PNPLA6: variants seen among roughly 807,000 people sequenced by gnomAD.
The protein encoded by PNPLA6 is patatin-like phospholipase domain-containing protein 6.
In PNPLA6, 105 loss-of-function variants were observed where a neutral mutation model predicts 153.7. That is an observed-to-expected ratio of 0.68 (90% CI 0.58 to 0.80). PNPLA6 has a LOEUF of 0.80. Among genes scored for constraint, PNPLA6 ranks in the 30% least tolerant of loss-of-function variants. The probability of loss-of-function intolerance (pLI) is 0.00; values close to 1 mark genes in which losing one functional copy is unlikely to be tolerated. For synonymous variants in PNPLA6, 825 were observed against 822.2 expected (o/e 1.00, Z -0.06); for missense variants, 1,423 against 1,919.3 (o/e 0.74, Z 4.83).
At chr19:7,536,586 C>T (rs1010355262) in intron 3 of PNPLA6, 40 bp downstream of exon 3, 4 of 1,324,428 alleles carry the variant, frequency 3.0e-6, no homozygotes, top group African/African-American at 1.4e-5. Context: ...TAGGGGTTAT[C>T]TCAGGGGCCT....
chr19:7,544,665 G>A (rs990537827), intron 13 of PNPLA6, among the ~76,000 whole-genome samples: 1 of 152,032 alleles, frequency 6.6e-6, no homozygotes, highest in Non-Finnish European at 1.5e-5. Context: ...GCTTGGGGGA[G>A]AGAAGCCTGG....
chr19:7,548,647 A>G (rs1020442515), intron 13 of PNPLA6, among the ~76,000 whole-genome samples: 1 of 150,686 alleles, frequency 6.6e-6, no homozygotes, highest in Non-Finnish European at 1.5e-5. Context: ...CGCAGGTGCA[A>G]TTTTTTTTTC....
Position 7,555,364 on chromosome 19 carries a change from C to G in PNPLA6, c.2933C>G (p.Ala978Gly). The change falls in exon 23 of 32, where the codon GCC (alanine) becomes GGC (glycine). Residue 978 changes from alanine (A) to glycine (G), a missense_variant. This residue lies in a region of PNPLA6 where 643 missense variants were observed against 835.2 expected (regional missense o/e 0.77). Transcript: ENST00000600737. The surrounding 1 kb of genome is among the most constrained non-coding windows in gnomAD (Gnocchi z 6.3). ...TIALVLGGGG[A>G]RGCSHIGVLK... Reference sequence around the variant, plus strand: ...GCCCTTGTGCTAGGCGGGGGCGGGGCCAGGTGAGGGCGGGGCTTGCTCTCT... The same window carrying G: ...GCCCTTGTGCTAGGCGGGGGCGGGGGCAGGTGAGGGCGGGGCTTGCTCTCT... 6.5e-7 allele frequency: 1 copy of G among 1,537,880 alleles called. No homozygotes were observed. The highest frequency in any genetic ancestry group is 1.2e-5 in the South Asian group (1 of 84,100).
At chr19:7,548,896 G>A (rs756122642) in intron 13 of PNPLA6, among the ~76,000 whole-genome samples, 2 of 146,722 alleles carry the variant, frequency 1.4e-5, no homozygotes, top group African/African-American at 2.5e-5. Flanking sequence ...TCCTCCTCCC[G>A]GGTTCACGCC....
In PNPLA6 at chr19:7,535,777, C is replaced by G. The variant is rs1017792040; in HGVS notation, c.-12C>G. 4 of 1,534,290 alleles carry G rather than the reference C, an allele frequency of 2.6e-6. No individual in the cohort carries two copies. Among genetic ancestry groups the G allele is most frequent in the Admixed American group, 2.0e-5 (1 of 50,888 alleles). ...GCCCCCGGGGAGGGAGCAGCACTGG[C>G]CCATTCTGCAGATGGGGACATCGAG... On this transcript the variant is annotated 5_prime_UTR_variant, in exon 1 of 32. Transcript: ENST00000600737. The surrounding 1 kb of genome is among the most constrained non-coding windows in gnomAD (Gnocchi z 5.0).
chr19:7,546,392 GC>G (rs2023387558), intron 13 of PNPLA6, among the ~76,000 whole-genome samples: 1 of 152,132 alleles, frequency 6.6e-6, no homozygotes, highest in African/African-American at 2.4e-5. Flanking sequence ...ACTTTGGAAG[GC>G]CGCGGCGGGA....
rs377441452 is a variant in PNPLA6 at position 7,550,248 on chromosome 19, G to A, written c.1815-50G>A. ...CCAGATCTGGCCTCCCAGCGCCGGT[G>A]TAGGACGGTTTTGAGGCCTTCCTCT... On this transcript the variant is annotated intron_variant, in intron 14 of 31. Coordinates refer to ENST00000600737, the MANE Select transcript of PNPLA6 (RefSeq NM_001166114.2). 2.5e-6 allele frequency: 4 copies of A among 1,612,680 alleles called. No individual in the cohort carries two copies. The African/African-American group carries it at 5.3e-5, about 22-fold the overall frequency.
Position 7,554,213 on chromosome 19 carries a change from G to A in PNPLA6, c.2406G>A (p.Pro802=). 1.9e-6 allele frequency: 3 copies of A among 1,613,970 alleles called. No homozygotes were observed. Among genetic ancestry groups the A allele is most frequent in the South Asian group, 1.1e-5 (1 of 91,082 alleles). The change falls in exon 20 of 32, where the codon CCG becomes CCA. Residue 802 remains proline, a synonymous_variant. Coordinates refer to ENST00000600737, the MANE Select transcript of PNPLA6 (RefSeq NM_001166114.2). ...CCCTTCCCCACCTACCCCTAGGTCC[G>A]ACGCTACTCCTTAACAGTGACATCA... ...ELQHALQAIG[P]TLLLNSDIIR... is the part of the protein sequence containing the mutation.
At chr19:7,551,502 G>A in intron 18 of PNPLA6, 65 bp downstream of exon 18, 9 of 1,355,176 alleles carry the variant, frequency 6.6e-6, no homozygotes, top group Non-Finnish European at 9.5e-6. Flanking sequence ...ATGCTGGGAG[G>A]GAAGCCTTCT....
intron 13 of PNPLA6, 126 bp downstream of exon 13, chr19:7,543,210 T>A: frequency 1.2e-6 from 1 of 850,210 alleles, no homozygotes; most frequent in Non-Finnish European, 2.0e-6. Flanking sequence ...ACCTCTCTCA[T>A]CCTATCATTT....
At position 7,540,319 on chromosome 19, in the gene PNPLA6, C is replaced by T. The variant is rs2023072271; in HGVS notation, c.714+11C>T. 6.2e-7 allele frequency: 1 copy of T among 1,600,668 alleles called. No individual in the cohort carries two copies. The highest frequency in any genetic ancestry group is 8.5e-7 in the Non-Finnish European group (1 of 1,176,152). On this transcript the variant is annotated intron_variant, in intron 5 of 31. Transcript: ENST00000600737. The surrounding 1 kb of genome is among the most constrained non-coding windows in gnomAD (Gnocchi z 6.8). ...TGTCTGCCAGGGCCTGTGAGTGGGC[C>T]TCCCCAGGGGCTGCTGCAGGAGGAT...
At position 7,541,479 on chromosome 19, in the gene PNPLA6, G is replaced by A; in HGVS notation, c.1006-43G>A. 1.2e-6 allele frequency: 2 copies of A among 1,612,472 alleles called. No homozygotes were observed. Among genetic ancestry groups the A allele is most frequent in the Non-Finnish European group, 1.7e-6 (2 of 1,179,194 alleles). ...CGAGCACAGGGGGGATGGGGGCGAG[G>A]TCTCCCTCCCAGGACAGGCCACAAG... On this transcript the variant is annotated intron_variant, in intron 8 of 31. Coordinates refer to ENST00000600737, the MANE Select transcript of PNPLA6 (RefSeq NM_001166114.2). This position sits in a 1 kb window ranked among gnomAD's most constrained non-coding sequence, Gnocchi z 5.2.
In PNPLA6 at chr19:7,535,959, A is replaced by G; in HGVS notation, c.171A>G (p.Gly57=). The change falls in exon 1 of 32, where the codon GGA becomes GGG. Residue 57 remains glycine, a synonymous_variant. Coordinates refer to ENST00000600737, the MANE Select transcript of PNPLA6 (RefSeq NM_001166114.2). The surrounding 1 kb of genome is among the most constrained non-coding windows in gnomAD (Gnocchi z 5.0). Reference sequence around the variant, plus strand: ...TGCTTGGCGTGATGATCGGGGCCGGAGTGGCGGTGGTGGTCACGGCCGTGC... The same window carrying G: ...TGCTTGGCGTGATGATCGGGGCCGGGGTGGCGGTGGTGGTCACGGCCGTGC... ...PQVLGVMIGA[G]VAVVVTAVLI... is the part of the protein sequence containing the mutation. 1 of 1,585,170 alleles carries G rather than the reference A, an allele frequency of 6.3e-7. No individual in the cohort carries two copies. Among genetic ancestry groups the G allele is most frequent in the Non-Finnish European group, 8.6e-7 (1 of 1,168,686 alleles).
In PNPLA6 at chr19:7,540,483, C is replaced by T. The variant is rs888987148; in HGVS notation, c.715-147C>T. 2.6e-5 allele frequency: 25 copies of T among 960,548 alleles called. No homozygotes were observed. In the South Asian group the frequency reaches 3.0e-4, roughly 12 times the overall value. The allele number at this position is 960,548 out of a possible 1,614,324, so 59.5% of individuals were successfully genotyped here. On this transcript the variant is annotated intron_variant, in intron 5 of 31. Transcript: ENST00000600737. The surrounding 1 kb of genome is among the most constrained non-coding windows in gnomAD (Gnocchi z 6.8). ...TTGCTCAGTAGTTACAAGTATTGAA[C>T]GATGGGAGATGCCTGCTCGTTGGAA...
chr19:7,554,083 G>C lies in PNPLA6; in HGVS notation c.2401+68G>C, dbSNP rs574620379. 411 of 1,603,218 alleles carry C rather than the reference G, an allele frequency of 2.6e-4. 1 individual carries two copies. In the African/African-American group the frequency reaches 4.9e-3, roughly 19 times the overall value. On this transcript the variant is annotated intron_variant, in intron 19 of 31. Transcript: ENST00000600737. Reference sequence around the variant, plus strand: ...GGACATTAGTGAGTGAGAGATGTTAGGGTAGGTCATTTGGGGGGTGGAGGG... The same window carrying C: ...GGACATTAGTGAGTGAGAGATGTTACGGTAGGTCATTTGGGGGGTGGAGGG...
chr19:7,542,544 C>A lies in PNPLA6; in HGVS notation c.1253-17C>A. On this transcript the variant is annotated splice_polypyrimidine_tract_variant and intron_variant, in intron 10 of 31. Coordinates refer to ENST00000600737, the MANE Select transcript of PNPLA6 (RefSeq NM_001166114.2). ...TCTCATCTTTATGGTTTTTGTTGCC[C>A]CCCTGCCTGCCTGCAGGCTTGCAGG... 6.3e-7 allele frequency: 1 copy of A among 1,586,006 alleles called. No homozygotes were observed. The highest frequency in any genetic ancestry group is 8.7e-7 in the Non-Finnish European group (1 of 1,154,712).
intron 26 of PNPLA6, chr19:7,556,946 C>G (rs1377042752): frequency 4.4e-6 from 3 of 688,816 alleles, no homozygotes; most frequent in Non-Finnish European, 7.9e-6. Context: ...CGCCTTACCC[C>G]CCTCACGCCA....
At chr19:7,550,778 C>G in intron 16 of PNPLA6, 138 bp downstream of exon 16, 1 of 1,168,736 alleles carries the variant, frequency 8.6e-7, no homozygotes, top group Admixed American at 2.1e-5. Context: ...CACTCCCCGC[C>G]CAGACCTCAT....
chr19:7,549,677 A>C, intron 13 of PNPLA6: 1 of 576,574 alleles, frequency 1.7e-6, no homozygotes, highest in Admixed American at 3.0e-5. Context: ...TAGTAGAGAC[A>C]GGTTTCGCCA....
Sources: allele counts gnomAD v4.1 joint callset (sites outside exome capture counted in the v4.1 genomes callset), GRCh38; gene constraint gnomAD v4.1.1; regional missense constraint gnomAD v4.1.1; non-coding constraint Gnocchi (gnomAD v3.1); transcripts MANE v1.5; gene names NCBI Gene and HGNC (gene_info 2026-07-23, HGNC 2026-07-21).